Variants in TUT7 observed in about 807,000 individuals in gnomAD.
The protein encoded by TUT7 is terminal uridylyltransferase 7.
Under a neutral mutation model 165.9 loss-of-function variants are expected in TUT7, and 33 were observed. The ratio of observed to expected loss-of-function variants is 0.20; its 90% confidence interval spans 0.15 to 0.27. The LOEUF is 0.27. TUT7 is among the 10% of genes least tolerant of loss of function. The pLI is 1.00. For synonymous variants in TUT7, 552 were observed against 608.1 expected, an observed-to-expected ratio of 0.91 and a Z score of 1.36; for missense variants, 1,338 against 1,762.3, an observed-to-expected ratio of 0.76 and a Z score of 4.31.
At chr9:86,322,508 A>T in intron 13 of TUT7, 33 bp from the exon 14 acceptor site, 1 of 1,582,246 alleles carries the variant, frequency 6.3e-7, no homozygotes, top group Non-Finnish European at 8.6e-7. Flanking sequence ...AACAAGACTT[A>T]ACACTTTATT....
Position 86,323,284 on chromosome 9 carries a change from T to C in TUT7, c.2466A>G (p.Glu822=). ...TAAAGTGGTTTAGAGAGTCTTCTAG[T>C]TCCTCAGTACCTTCTGTACTTTCTC... ...LDGESTEGTE[E]LEDSLNHFTH... Residue 822 remains glutamate (E), a synonymous_variant, in exon 13 of 27, where the codon GAA becomes GAG. Coordinates refer to ENST00000375963, the MANE Select transcript of TUT7 (RefSeq NM_024617.4). The C allele has an allele frequency of 6.2e-7, 1 of 1,614,168 alleles. No individual in the cohort carries two copies.
chr9:86,309,207 C>T lies in TUT7; in HGVS notation c.3660+5G>A. Reference sequence around the variant, plus strand: ...TAGGAAAATCTTTACTCTTAAAATACGTACCAGTTCATCTATTTGATCAAA... The same window carrying T: ...TAGGAAAATCTTTACTCTTAAAATATGTACCAGTTCATCTATTTGATCAAA... On this transcript the variant is annotated splice_donor_5th_base_variant and intron_variant, in intron 21 of 26. Transcript: ENST00000375963. The T allele has an allele frequency of 1.3e-6, 2 of 1,544,612 alleles. No individual in the cohort carries two copies. Among genetic ancestry groups the T allele is most frequent in the Non-Finnish European group, 1.8e-6 (2 of 1,121,988 alleles).
intron 12 of TUT7, 112 bp from the exon 13 acceptor site, chr9:86,324,072 AT>A: frequency 2.0e-6 from 2 of 1,009,456 alleles, no homozygotes; most frequent in African/African-American, 1.7e-5. Context: ...CAATGGTAAA[AT>A]TTATCTTGCA....
rs779551130 is a variant in TUT7 at position 86,311,433 on chromosome 9, G to A, written c.3275-624C>T. ...GCCTGAAATAGAATGGTACGTTCAG[G>A]GAAGTTCCAGAGAATTGCATAGGTT... On this transcript the variant is annotated intron_variant, in intron 17 of 26. Coordinates refer to ENST00000375963, the MANE Select transcript of TUT7 (RefSeq NM_024617.4). The surrounding 1 kb of genome is among the most constrained non-coding windows in gnomAD (Gnocchi z 4.4). Among the ~76,000 whole-genome samples the A allele has an allele frequency of 6.6e-6, 1 of 151,496 alleles. No homozygotes were observed. Among genetic ancestry groups the A allele is most frequent in the African/African-American group, 2.4e-5 (1 of 41,182 alleles).
intron 26 of TUT7, among the ~76,000 whole-genome samples, chr9:86,293,682 C>G (rs1826063117): frequency 6.6e-6 from 1 of 152,226 alleles, no homozygotes; most frequent in South Asian, 2.1e-4. Context: ...TTCTTATGAG[C>G]GGGAATTTAT....
At chr9:86,295,916 GA>G (rs1321165411) in intron 26 of TUT7, among the ~76,000 whole-genome samples, 8 of 151,708 alleles carry the variant, frequency 5.3e-5, no homozygotes, top group African/African-American at 1.9e-4. Context: ...TTAAGGAATA[GA>G]AAAAAACATT....
chr9:86,344,322 G>A (rs887167092), intron 5 of TUT7, among the ~76,000 whole-genome samples: 2 of 152,102 alleles, frequency 1.3e-5, no homozygotes, highest in African/African-American at 4.8e-5. Flanking sequence ...GGGATGATGT[G>A]GGGTGGGGTT....
rs1304893643 is a variant in TUT7, at chr9:86,308,483, T to G, written c.3784A>C (p.Ser1262Arg). Reference sequence around the variant, plus strand: ...TGTTTCTTAAAAGTTGTAAGCAGACTTTTTCTCCTGATGCTAATAACATGT... The same window carrying G: ...TGTTTCTTAAAAGTTGTAAGCAGACGTTTTCTCCTGATGCTAATAACATGT... ...KEHVISIRRK[S>R]LLTTFKKQWT... The change falls in exon 22 of 27, where the codon AGT becomes CGT. Residue 1262 changes from serine (S) to arginine (R), a missense_variant. Ser to Arg is a moderately radical substitution (Grantham distance 110). Coordinates refer to ENST00000375963, the MANE Select transcript of TUT7 (RefSeq NM_024617.4). 6.2e-7 allele frequency: 1 copy of G among 1,613,934 alleles called. No individual in the cohort carries two copies. The highest frequency in any genetic ancestry group is 8.5e-7 in the Non-Finnish European group (1 of 1,179,934).
At chr9:86,306,005 G>A (rs1827434096) in intron 22 of TUT7, among the ~76,000 whole-genome samples, 2 of 152,178 alleles carry the variant, frequency 1.3e-5, no homozygotes, top group Non-Finnish European at 2.9e-5. Context: ...ACTGTCTCAT[G>A]AAATAAATGG....
At chr9:86,350,006 T>C (rs116222281) in intron 2 of TUT7, among the ~76,000 whole-genome samples, 2,978 of 152,298 alleles carry the variant, frequency 0.02, 109 homozygotes, top group African/African-American at 0.067. Flanking sequence ...TAATGTCTAG[T>C]TGCAAATTTT....
chr9:86,339,495 G>C (rs935114998), intron 8 of TUT7, among the ~76,000 whole-genome samples: 13 of 152,178 alleles, frequency 8.5e-5, no homozygotes, highest in Non-Finnish European at 1.8e-4. Context: ...TCCAGCCTGG[G>C]CAACAGAGCG....
intron 22 of TUT7, among the ~76,000 whole-genome samples, chr9:86,306,819 G>A (rs117621872): frequency 0.019 from 2,960 of 151,992 alleles, 53 homozygotes; most frequent in Non-Finnish European, 0.029. Context: ...AAAAACAAAC[G>A]ACTACTATCA....
At chr9:86,326,054 T>C (rs1383443280) in intron 11 of TUT7, among the ~76,000 whole-genome samples, 3 of 152,250 alleles carry the variant, frequency 2.0e-5, no homozygotes, top group Admixed American at 6.5e-5. Context: ...GTTTTACAGT[T>C]ACAGACTTCT....
intron 6 of TUT7, among the ~76,000 whole-genome samples, chr9:86,342,444 A>G (rs1831403334): frequency 6.6e-6 from 1 of 152,170 alleles, no homozygotes; most frequent in African/African-American, 2.4e-5. Flanking sequence ...TATGTTGCCC[A>G]GGCTGGAATG....
intron 26 of TUT7, chr9:86,298,753 T>A (rs977625820): frequency 1.5e-5 from 15 of 982,546 alleles, no homozygotes; most frequent in African/African-American, 3.5e-5. Context: ...TTGTTTTTTT[T>A]AAAACCCACA....
At chr9:86,316,919 T>A (rs1231452559) in intron 17 of TUT7, among the ~76,000 whole-genome samples, 1 of 151,914 alleles carries the variant, frequency 6.6e-6, no homozygotes, top group Non-Finnish European at 1.5e-5. Context: ...AATAAAAAAA[T>A]ACAAATAAAA....
intron 17 of TUT7, among the ~76,000 whole-genome samples, chr9:86,314,784 T>C (rs1165239852): frequency 6.6e-6 from 1 of 152,218 alleles, no homozygotes; most frequent in Non-Finnish European, 1.5e-5. Context: ...CTTCCAAATA[T>C]CTATAGACTT....
intron 14 of TUT7, among the ~76,000 whole-genome samples, chr9:86,321,882 C>G (rs1829331742): frequency 6.6e-6 from 1 of 152,150 alleles, no homozygotes; most frequent in Non-Finnish European, 1.5e-5. Flanking sequence ...TCAAGACTAG[C>G]TTGGGTAACA....
Position 86,317,266 on chromosome 9 carries a change from C to T in TUT7, c.3227G>A (p.Cys1076Tyr). The T allele has an allele frequency of 6.2e-7, 1 of 1,613,666 alleles. No individual in the cohort carries two copies. The highest frequency in any genetic ancestry group is 1.1e-5 in the South Asian group (1 of 91,022). ...TGCTAATTCTTCAATAGTTCTGACA[C>T]AGTCCAATCCCTACAACAAAGAAGG... ...NGLETAEGLDCVRTIEELARV... is the reference protein window; with the variant it reads ...NGLETAEGLDYVRTIEELARV... Residue 1076 changes from cysteine to tyrosine, a missense_variant, in exon 17 of 27, where the codon TGT becomes TAT. Coordinates refer to ENST00000375963, the MANE Select transcript of TUT7 (RefSeq NM_024617.4).
Sources: allele counts gnomAD v4.1 joint callset (sites outside exome capture counted in the v4.1 genomes callset), GRCh38; gene constraint gnomAD v4.1.1; non-coding constraint Gnocchi (gnomAD v3.1); transcripts MANE v1.5; gene names NCBI Gene and HGNC (gene_info 2026-07-23, HGNC 2026-07-21).